The following OSBPL1A variants were observed in gnomAD, a reference collection of about 807,000 sequenced individuals.
OSBPL1A encodes the protein oxysterol binding protein like 1A.
In OSBPL1A, 80 loss-of-function variants were observed where a neutral mutation model predicts 137.1. The ratio of observed to expected loss-of-function variants is 0.58; its 90% CI spans 0.49 to 0.70. The LOEUF (loss-of-function observed/expected upper bound fraction) is 0.70. Ranked by LOEUF, OSBPL1A falls within the 30% of genes least tolerant of loss-of-function variation. The pLI, the probability that OSBPL1A is intolerant of heterozygous loss-of-function variation, is 0.00. For missense variants in OSBPL1A, 970 were observed against 1,129.4 expected, an observed-to-expected ratio of 0.86 and a Z score of 2.02; for synonymous variants, 365 against 389.7, an observed-to-expected ratio of 0.94 and a Z score of 0.75.
At chr18:24,261,603 C>T (rs916157228) in intron 15 of OSBPL1A, among the ~76,000 whole-genome samples, 4 of 152,120 alleles carry the variant, frequency 2.6e-5, no homozygotes, top group Admixed American at 1.3e-4. Flanking sequence ...GAGGCTGAGA[C>T]GGGCAGATTA....
intron 16 of OSBPL1A, among the ~76,000 whole-genome samples, chr18:24,226,183 G>A (rs1019089778): frequency 6.6e-6 from 1 of 152,204 alleles, no homozygotes; most frequent in African/African-American, 2.4e-5. Flanking sequence ...CGACAGTAGC[G>A]TTTTCAGGCA....
intron 18 of OSBPL1A, among the ~76,000 whole-genome samples, chr18:24,193,487 C>CAA (rs61065111): frequency 0.016 from 1,254 of 78,852 alleles, 24 homozygotes; most frequent in African/African-American, 0.048. Flanking sequence ...GACTCCGACT[C>CAA]AAAAAAAAAA....
At chr18:24,251,471 C>A (rs2089095556) in intron 15 of OSBPL1A, among the ~76,000 whole-genome samples, 2 of 152,194 alleles carry the variant, frequency 1.3e-5, no homozygotes, top group South Asian at 4.1e-4. Context: ...TGCCTGGTAA[C>A]CCAGAGAATT....
At chr18:24,306,852 C>G (rs1470694803) in intron 13 of OSBPL1A, among the ~76,000 whole-genome samples, 1 of 152,092 alleles carries the variant, frequency 6.6e-6, no homozygotes. Flanking sequence ...AATAGATTGT[C>G]AAACTCTGAT....
chr18:24,303,580 A>G, intron 14 of OSBPL1A, 57 bp downstream of exon 14: 1 of 1,364,272 alleles, frequency 7.3e-7, no homozygotes, highest in Non-Finnish European at 1.0e-6. Context: ...CAAAACTACA[A>G]CAGGTCAGTA....
Position 24,280,882 on chromosome 18 carries a change from G to C in OSBPL1A, c.1241C>G (p.Ala414Gly), listed in dbSNP as rs763996954. ...GAAGAGATTAAGGCAATCAGTCAAA[G>C]CTACACAAGTTTCTCTAGAAGCTTC... ...VSEASRETCV[A>G]LTDCLNLFTK... Residue 414 changes from alanine to glycine, a missense_variant, in exon 15 of 28, where the codon GCT (alanine) becomes GGT (glycine). Coordinates refer to ENST00000319481, the MANE Select transcript of OSBPL1A (RefSeq NM_080597.4). The C allele has an allele frequency of 1.2e-6, 2 of 1,609,250 alleles. No individual in the cohort carries two copies. The highest frequency in any genetic ancestry group is 1.7e-6 in the Non-Finnish European group (2 of 1,178,594).
At chr18:24,358,322 T>G in intron 4 of OSBPL1A, 1 of 611,278 alleles carries the variant, frequency 1.6e-6, no homozygotes, top group South Asian at 2.0e-5. Context: ...GGGACAACTT[T>G]GAAGCATCAT....
At chr18:24,330,680 T>TC (rs2091061469) in intron 7 of OSBPL1A, among the ~76,000 whole-genome samples, 1 of 152,090 alleles carries the variant, frequency 6.6e-6, no homozygotes, top group Non-Finnish European at 1.5e-5. Context: ...CGCCTCGGCC[T>TC]CCCAAAGTGC....
intron 5 of OSBPL1A, among the ~76,000 whole-genome samples, chr18:24,338,468 C>T (rs2091218916): frequency 6.6e-6 from 1 of 152,092 alleles, no homozygotes; most frequent in Non-Finnish European, 1.5e-5. Context: ...CTGAATACCT[C>T]CCATCATGTA....
intron 1 of OSBPL1A, among the ~76,000 whole-genome samples, chr18:24,388,671 GC>G (rs1212268292): frequency 6.6e-6 from 1 of 151,668 alleles, no homozygotes; most frequent in Non-Finnish European, 1.5e-5. Flanking sequence ...GTGGTGATGG[GC>G]ACCTGTAATC....
rs773894283 is a variant in OSBPL1A at position 24,312,097 on chromosome 18, C to T, written c.979G>A (p.Glu327Lys). 3.1e-6 allele frequency: 5 copies of T among 1,613,602 alleles called. No homozygotes were observed. The Admixed American group carries it at 6.7e-5, about 22-fold the overall frequency. Residue 327 changes from glutamate (E) to lysine (K), a missense_variant, in exon 13 of 28, where the codon GAA (glutamate) becomes AAA (lysine). Physicochemically the swap from Glu to Lys is moderately conservative, Grantham distance 56 (BLOSUM62 1). This residue lies in a region of OSBPL1A where 647 missense variants were observed against 672.6 expected (regional missense o/e 0.96). Transcript: ENST00000319481. ...TAAGCAGAATGTTCTTCTATTGCTT[C>T]CAGCCAGTCCTGAAATCATGCAAGA... ...SLQQSREDWL[E>K]AIEEHSAYST... is the part of the protein sequence containing the mutation.
intron 22 of OSBPL1A, among the ~76,000 whole-genome samples, 165 bp from the exon 23 acceptor site, chr18:24,171,663 C>T (rs953294468): frequency 5.3e-5 from 8 of 152,148 alleles, no homozygotes; most frequent in African/African-American, 1.9e-4. Flanking sequence ...GGTAATCTTC[C>T]CACCATAAAG....
At position 24,271,033 on chromosome 18, in the gene OSBPL1A, T is replaced by C. The variant is rs2089705988; in HGVS notation, c.1281+9809A>G. Reference sequence around the variant, plus strand: ...GCTAGGAAACGTGATTCCCCGCTGGTTTAGGCTACAAAGAAAGCCTGTGAG... The same window carrying C: ...GCTAGGAAACGTGATTCCCCGCTGGCTTAGGCTACAAAGAAAGCCTGTGAG... On this transcript the variant is annotated intron_variant, in intron 15 of 27. Transcript: ENST00000319481. The surrounding 1 kb of genome is among the most constrained non-coding windows in gnomAD (Gnocchi z 4.0). Among the ~76,000 whole-genome samples the C allele has an allele frequency of 1.3e-5, 2 of 152,144 alleles. No individual in the cohort carries two copies.
At chr18:24,171,536 A>G (rs1367570785) in intron 22 of OSBPL1A, 38 bp from the exon 23 acceptor site, 1 of 1,479,746 alleles carries the variant, frequency 6.8e-7, no homozygotes, top group Non-Finnish European at 9.4e-7. Flanking sequence ...ATCATTTATT[A>G]GCAAAGCAGC....
At chr18:24,346,148 C>T (rs369983695) in intron 4 of OSBPL1A, among the ~76,000 whole-genome samples, 3 of 152,134 alleles carry the variant, frequency 2.0e-5, no homozygotes, top group Non-Finnish European at 2.9e-5. Flanking sequence ...TTAACACAGC[C>T]GTGAATCACG....
At chr18:24,391,613 C>T (rs1405045496) in intron 1 of OSBPL1A, among the ~76,000 whole-genome samples, 1 of 151,624 alleles carries the variant, frequency 6.6e-6, no homozygotes, top group Non-Finnish European at 1.5e-5. Context: ...CCTATAGATC[C>T]AGCTACTTGG....
chr18:24,321,866 G>A, intron 7 of OSBPL1A: 1 of 361,796 alleles, frequency 2.8e-6, no homozygotes. Flanking sequence ...GGAGGAGGGT[G>A]ATGGGTACAT....
At chr18:24,375,182 G>T (rs2146202473) in intron 2 of OSBPL1A, among the ~76,000 whole-genome samples, 1 of 152,012 alleles carries the variant, frequency 6.6e-6, no homozygotes, top group East Asian at 1.9e-4. Flanking sequence ...AGGCGTGGTG[G>T]CATGTGCTTG....
At chr18:24,393,541 T>C (rs1248619963) in intron 1 of OSBPL1A, among the ~76,000 whole-genome samples, 3 of 152,126 alleles carry the variant, frequency 2.0e-5, no homozygotes, top group Non-Finnish European at 4.4e-5. Context: ...CAAGCTCCTC[T>C]TCCCGGGTTC....
Sources: gnomAD v4.1 joint callset for allele counts (sites outside exome capture counted in the v4.1 genomes callset) on GRCh38, gnomAD v4.1.1 for gene constraint, gnomAD v4.1.1 regional missense constraint, Gnocchi (gnomAD v3.1) non-coding constraint, MANE v1.5 for transcripts, NCBI Gene and HGNC (gene_info 2026-07-23, HGNC 2026-07-21) for gene names.